Variants in PTPRT observed in about 807,000 individuals in gnomAD.
PTPRT encodes the protein receptor-type tyrosine-protein phosphatase T.
PTPRT carries 56 observed loss-of-function variants against 176.8 expected under a neutral mutation model. The observed-to-expected ratio is 0.32, with a 90% confidence interval of 0.26 to 0.40. The LOEUF is 0.40. PTPRT is among the 10% of genes least tolerant of loss of function. The probability of loss-of-function intolerance (pLI) is 1.00; values close to 1 mark genes in which losing one functional copy is unlikely to be tolerated. For missense variants in PTPRT, 1,540 were observed against 1,908.2 expected (o/e 0.81, Z 3.60); for synonymous variants, 783 against 739.0 (o/e 1.06, Z -0.96).
chr20:42,692,912 C>T (rs774907961), intron 6 of PTPRT, among the ~76,000 whole-genome samples: 4 of 152,034 alleles, frequency 2.6e-5, no homozygotes, highest in Non-Finnish European at 4.4e-5. Context: ...AAGGAGTAGT[C>T]GACTGGGAAG....
intron 1 of PTPRT, among the ~76,000 whole-genome samples, chr20:42,926,013 C>A (rs1979458380): frequency 2.0e-5 from 3 of 152,200 alleles, no homozygotes; most frequent in Admixed American, 2.0e-4. Context: ...AGGGGCTAGA[C>A]CCTGCCAGGT....
At chr20:43,040,599 C>G (rs1054432449) in intron 1 of PTPRT, among the ~76,000 whole-genome samples, 2 of 152,218 alleles carry the variant, frequency 1.3e-5, no homozygotes, top group African/African-American at 4.8e-5. Context: ...ACAGAGCTCC[C>G]TCGCTGTCCT....
intron 7 of PTPRT, among the ~76,000 whole-genome samples, chr20:42,510,757 A>G (rs1318559463): frequency 1.3e-5 from 2 of 152,164 alleles, no homozygotes; most frequent in African/African-American, 2.4e-5. Context: ...CTCTCTATTC[A>G]TCGTGCAGAA....
At chr20:42,278,123 A>ATATATATG (rs2057077985) in intron 13 of PTPRT, among the ~76,000 whole-genome samples, 1 of 83,554 alleles carries the variant, frequency 1.2e-5, no homozygotes, top group African/African-American at 5.1e-5. Context: ...ATATATATAT[A>ATATATATG]TATATATATA....
At chr20:42,542,989 A>C (rs1247137544) in intron 7 of PTPRT, among the ~76,000 whole-genome samples, 3 of 152,252 alleles carry the variant, frequency 2.0e-5, no homozygotes, top group African/African-American at 7.2e-5. Flanking sequence ...GAAAAATGCT[A>C]AGGATCATCT....
At chr20:43,043,364 C>A (rs1471070194) in intron 1 of PTPRT, among the ~76,000 whole-genome samples, 2 of 151,250 alleles carry the variant, frequency 1.3e-5, no homozygotes, top group African/African-American at 2.4e-5. Flanking sequence ...GACAAAAAGA[C>A]AAGAGGGTGA....
chr20:43,045,978 A>T (rs1003251910), intron 1 of PTPRT, among the ~76,000 whole-genome samples: 2 of 152,188 alleles, frequency 1.3e-5, no homozygotes, highest in Non-Finnish European at 2.9e-5. Flanking sequence ...AGGAATGGGC[A>T]TTCCAAAGAG....
At chr20:42,261,270 G>T (rs981818733) in intron 13 of PTPRT, among the ~76,000 whole-genome samples, 4 of 152,104 alleles carry the variant, frequency 2.6e-5, no homozygotes, top group Admixed American at 2.6e-4. Context: ...CACTGCCCCT[G>T]TTGTCAATGA....
At chr20:42,066,849 T>C in the PTPRT span, among the ~76,000 whole-genome samples, 9 of 152,226 alleles carry the variant, frequency 5.9e-5, no homozygotes, top group Non-Finnish European at 1.2e-4. Context: ...GTGTTTTCTC[T>C]CGATTAGACT....
rs148121336 is a variant in PTPRT at position 42,984,708 on chromosome 20, C to G, written c.89-98776G>C. Among the ~76,000 whole-genome samples, 1,092 of 152,256 alleles carry G rather than the reference C, an allele frequency of 7.2e-3. 13 individuals carry two copies. The highest frequency in any genetic ancestry group is 0.025 in the African/African-American group (1,027 of 41,538). ...TTATTTTTACAGAAAAGTAAATAGG[C>G]TCAGAGAAGTTCTTTAACTTAACCA... On this transcript the variant is annotated intron_variant, in intron 1 of 30. Coordinates refer to ENST00000373187, the MANE Select transcript of PTPRT (RefSeq NM_007050.6).
At chr20:42,138,056 T>A (rs1292500006) in intron 18 of PTPRT, among the ~76,000 whole-genome samples, 1 of 152,278 alleles carries the variant, frequency 6.6e-6, no homozygotes, top group East Asian at 1.9e-4. Context: ...CACCATCACC[T>A]AGAGGGCTTC....
At chr20:42,970,148 G>C (rs893493224) in intron 1 of PTPRT, among the ~76,000 whole-genome samples, 1 of 152,184 alleles carries the variant, frequency 6.6e-6, no homozygotes, top group East Asian at 1.9e-4. Flanking sequence ...TTCAGTCCCT[G>C]TTTGTTCTTG....
intron 8 of PTPRT, 32 bp downstream of exon 8, chr20:42,472,234 C>T: frequency 1.9e-6 from 3 of 1,599,894 alleles, no homozygotes; most frequent in Middle Eastern, 3.3e-4. Context: ...TCAATATCCC[C>T]ATTCCCATGT....
chr20:42,479,463 G>A (rs923166893), intron 7 of PTPRT, among the ~76,000 whole-genome samples: 2 of 152,166 alleles, frequency 1.3e-5, no homozygotes, highest in African/African-American at 4.8e-5. Context: ...CAGATAGTTC[G>A]ATGTGACCAT....
At chr20:43,036,330 G>A (rs1228670599) in intron 1 of PTPRT, among the ~76,000 whole-genome samples, 1 of 152,144 alleles carries the variant, frequency 6.6e-6, no homozygotes, top group African/African-American at 2.4e-5. Flanking sequence ...CTCCTGGGCA[G>A]AAGTGATCCT....
At chr20:42,639,763 G>A (rs1035242922) in intron 7 of PTPRT, among the ~76,000 whole-genome samples, 6 of 152,008 alleles carry the variant, frequency 3.9e-5, no homozygotes, top group Non-Finnish European at 8.8e-5. Flanking sequence ...GCTCTTTTAG[G>A]TATTATAATT....
intron 4 of PTPRT, 78 bp from the exon 5 acceptor site, chr20:42,771,628 A>C (rs1386957512): frequency 4.3e-5 from 52 of 1,195,772 alleles, no homozygotes; most frequent in Middle Eastern, 2.1e-4. Flanking sequence ...ATGGCAGCTC[A>C]GGATGGGCAC....
chr20:42,273,522 GTGTTA>G (rs2147012888), intron 13 of PTPRT, among the ~76,000 whole-genome samples: 1 of 152,280 alleles, frequency 6.6e-6, no homozygotes, highest in South Asian at 2.1e-4. Flanking sequence ...GCCATAAGTG[GTGTTA>G]TTGTCATTGG....
chr20:42,211,184 A>G lies in PTPRT; in HGVS notation c.2343-11796T>C, dbSNP rs1231435922. ...AGACTTAAACGTTAGACCTAAAACC[A>G]TAAAAACCCTAGAAGGAAACCTAGG... On this transcript the variant is annotated intron_variant, in intron 15 of 30. Transcript: ENST00000373187. 2.0e-5 allele frequency among the ~76,000 whole-genome samples: 3 copies of G among 152,350 alleles called. No individual in the cohort carries two copies. In the South Asian group the frequency reaches 6.2e-4, roughly 32 times the overall value.
Sources: allele counts gnomAD v4.1 joint callset (sites outside exome capture counted in the v4.1 genomes callset), GRCh38; gene constraint gnomAD v4.1.1; transcripts MANE v1.5; gene names NCBI Gene and HGNC (gene_info 2026-07-23, HGNC 2026-07-21).